Variants in OPTN observed in about 807,000 individuals in gnomAD.
OPTN encodes optineurin.
A neutral mutation model predicts 70.4 loss-of-function variants in OPTN; 54 were observed. That is an observed-to-expected ratio of 0.77 (90% confidence interval 0.62 to 0.96). The LOEUF is 0.96. Ranked by LOEUF, OPTN falls within the 40% of genes least tolerant of loss-of-function variation. The probability of loss-of-function intolerance (pLI) is 0.00; values close to 1 mark genes in which losing one functional copy is unlikely to be tolerated. For missense variants in OPTN, 624 were observed against 673.2 expected (o/e 0.93, Z 0.81); for synonymous variants, 256 against 248.5 (o/e 1.03, Z -0.28).
At chr10:13,118,639 AC>A (rs1833272767) in intron 6 of OPTN, among the ~76,000 whole-genome samples, 1 of 152,092 alleles carries the variant, frequency 6.6e-6, no homozygotes, top group African/African-American at 2.4e-5. Flanking sequence ...TGTTTGGAGG[AC>A]GTGGGTGTGT....
rs202195547 is a variant in OPTN, at chr10:13,114,877, T to TAGA, written c.553-1389_553-1388insGAA. On this transcript the variant is annotated intron_variant, in intron 5 of 14. Coordinates refer to ENST00000378747, the MANE Select transcript of OPTN (RefSeq NM_001008212.2). ...AATATATTCTACAATTATATAATTG[T>TAGA]ATTATATACACTTACATATGTATCT... Among the ~76,000 whole-genome samples, 35 of 25,946 alleles carry TAGA rather than the reference T, an allele frequency of 1.3e-3. 7 individuals carry two copies. Among genetic ancestry groups the TAGA allele is most frequent in the African/African-American group, 5.0e-3 (33 of 6,652 alleles). The allele number at this position is 25,946 out of a possible 152,430, so 17.0% of individuals were successfully genotyped here.
At chr10:13,110,078 A>G in intron 3 of OPTN, 196 bp from the exon 4 acceptor site, 1 of 898,800 alleles carries the variant, frequency 1.1e-6, no homozygotes, top group Non-Finnish European at 1.6e-6. Context: ...TAAGGACTAG[A>G]AATGATGTTC....
rs2131535587 is a variant in OPTN, at chr10:13,137,055, G to A, written c.*189G>A. The stretch of plus-strand genomic sequence containing the variant: ...AGCACTTTGGGAGGTCGAGGTGGGT[G>A]GATCACTTGGGGTCAGGGTTTGAGA... On this transcript the variant is annotated 3_prime_UTR_variant, in exon 15 of 15. Transcript: ENST00000378747. The A allele has an allele frequency of 1.4e-5, 9 of 665,372 alleles. No individual in the cohort carries two copies. Among genetic ancestry groups the A allele is most frequent in the South Asian group, 1.3e-4 (8 of 60,090 alleles). The allele number at this position is 665,372 out of a possible 1,614,324, so 41.2% of individuals were successfully genotyped here.
chr10:13,113,316 G>A (rs982128471), intron 5 of OPTN, among the ~76,000 whole-genome samples: 2 of 152,142 alleles, frequency 1.3e-5, no homozygotes, highest in Non-Finnish European at 2.9e-5. Context: ...GTGAGCCACC[G>A]CGCCTGGCCA....
chr10:13,101,413 C>G (rs1316839556), intron 1 of OPTN, among the ~76,000 whole-genome samples: 48 of 139,570 alleles, frequency 3.4e-4, no homozygotes, highest in Admixed American at 3.2e-3. Flanking sequence ...CCCCCACCCA[C>G]CCCCGGAAAA....
At chr10:13,121,190 G>A (rs1045191680) in intron 7 of OPTN, among the ~76,000 whole-genome samples, 1 of 152,178 alleles carries the variant, frequency 6.6e-6, no homozygotes. Flanking sequence ...AGCTCCTGCT[G>A]TGGCTAAGGG....
chr10:13,105,678 A>G (rs1193886096), intron 1 of OPTN, among the ~76,000 whole-genome samples: 1 of 152,096 alleles, frequency 6.6e-6, no homozygotes, highest in African/African-American at 2.4e-5. Flanking sequence ...GGAGGCTGAG[A>G]TGGGTGGATC....
chr10:13,112,723 C>A, intron 5 of OPTN, 88 bp downstream of exon 5: 1 of 1,320,574 alleles, frequency 7.6e-7, no homozygotes, highest in Non-Finnish European at 1.1e-6. Context: ...CTTGTCAACA[C>A]AAGCCAAGGA....
rs757528160 is a variant in OPTN at position 13,110,333 on chromosome 10, A to G, written c.226A>G (p.Thr76Ala). Residue 76 changes from threonine (T) to alanine (A), a missense_variant, in exon 4 of 15, where the codon ACA becomes GCA. Transcript: ENST00000378747. The part of the protein sequence containing the change: ...KGRFEELSAW[T>A]EKQKEERQFF... ...GAGATTTGAGGAGCTTTCGGCCTGG[A>G]CAGAGAAACAGAAGGAAGAACGCCA... 6.2e-7 allele frequency: 1 copy of G among 1,614,162 alleles called. No individual in the cohort carries two copies.
chr10:13,126,406 G>T (rs1363115266), intron 11 of OPTN, among the ~76,000 whole-genome samples: 1 of 151,174 alleles, frequency 6.6e-6, no homozygotes, highest in Admixed American at 6.6e-5. Flanking sequence ...TCAGCCTCCC[G>T]AGTAGCTGGG....
chr10:13,101,456 G>A (rs1376051803), intron 1 of OPTN, among the ~76,000 whole-genome samples: 2 of 118,608 alleles, frequency 1.7e-5, no homozygotes, highest in Admixed American at 1.3e-4. Context: ...ACTGGACACT[G>A]TATTATGTCC....
intron 4 of OPTN, among the ~76,000 whole-genome samples, chr10:13,111,937 T>G (rs1399935052): frequency 7.6e-6 from 1 of 131,412 alleles, no homozygotes; most frequent in Non-Finnish European, 1.6e-5. Flanking sequence ...AAGCTCCGCC[T>G]CCCAGGTTCA....
rs535225723 is a variant in OPTN, at chr10:13,107,324, G to A, written c.-163-814G>A. Among the ~76,000 whole-genome samples, 29 of 150,744 alleles carry A rather than the reference G, an allele frequency of 1.9e-4. 1 individual carries two copies. The South Asian group carries it at 3.0e-3, about 15-fold the overall frequency. ...CAGGAGGTGGAGGTTGCAGTGAGCC[G>A]AGATCGCTCCACTGCACTCCAGCCT... On this transcript the variant is annotated intron_variant, in intron 1 of 14. Coordinates refer to ENST00000378747, the MANE Select transcript of OPTN (RefSeq NM_001008212.2).
chr10:13,115,203 CTATATT>C (rs1267778028), intron 5 of OPTN, among the ~76,000 whole-genome samples: 1 of 23,056 alleles, frequency 4.3e-5, no homozygotes, highest in East Asian at 1.3e-3. Flanking sequence ...ATAGATATAT[CTATATT>C]TATATATATA....
chr10:13,100,596 C>G (rs1421043419), intron 1 of OPTN, among the ~76,000 whole-genome samples: 2 of 152,212 alleles, frequency 1.3e-5, no homozygotes, highest in African/African-American at 4.8e-5. Flanking sequence ...ACAAGTCACC[C>G]AGAGACTTGG....
rs1564354765 is a variant in OPTN, at chr10:13,109,136, C to G, written c.14C>G (p.Pro5Arg). 1.2e-6 allele frequency: 2 copies of G among 1,614,066 alleles called. No individual in the cohort carries two copies. The highest frequency in any genetic ancestry group is 1.7e-6 in the Non-Finnish European group (2 of 1,180,016). ...GGAACTTCTGCAATGTCCCATCAAC[C>G]TCTCAGCTGCCTCACTGAAAAGGAG... The part of the protein sequence containing the change: MSHQ[P>R]LSCLTEKEDS... The change falls in exon 3 of 15, where the codon CCT becomes CGT. Residue 5 changes from proline to arginine, a missense_variant. By Grantham distance (103) the Pro-to-Arg change is moderately radical (BLOSUM62 -2). Coordinates refer to ENST00000378747, the MANE Select transcript of OPTN (RefSeq NM_001008212.2).
chr10:13,113,657 C>T (rs1387395071), intron 5 of OPTN, among the ~76,000 whole-genome samples: 1 of 152,168 alleles, frequency 6.6e-6, no homozygotes, highest in East Asian at 1.9e-4. Context: ...GGGGCCTGTC[C>T]TTCATTGCTA....
At chr10:13,126,413 T>A (rs1833464666) in intron 11 of OPTN, among the ~76,000 whole-genome samples, 1 of 151,832 alleles carries the variant, frequency 6.6e-6, no homozygotes, top group South Asian at 2.1e-4. Flanking sequence ...CCCGAGTAGC[T>A]GGGACTACAG....
chr10:13,125,653 T>G (rs2131515960), intron 10 of OPTN, 86 bp downstream of exon 10: 1 of 1,538,834 alleles, frequency 6.5e-7, no homozygotes, highest in Non-Finnish European at 8.9e-7. Flanking sequence ...GATTTGAGAA[T>G]AAATTTTAAA....
Sources: allele counts gnomAD v4.1 joint callset (sites outside exome capture counted in the v4.1 genomes callset), GRCh38; gene constraint gnomAD v4.1.1; transcripts MANE v1.5; gene names NCBI Gene and HGNC (gene_info 2026-07-23, HGNC 2026-07-21).